Variants in TAFA2 observed in about 807,000 individuals in gnomAD.
TAFA2 encodes the protein chemokine-like protein TAFA-2.
Under a neutral mutation model 18.8 loss-of-function variants are expected in TAFA2, and 7 were observed. The ratio of observed to expected loss-of-function variants is 0.37; its 90% CI spans 0.21 to 0.70. The LOEUF (loss-of-function observed/expected upper bound fraction) is 0.70, where lower values mean the gene tolerates loss of function less well. TAFA2 is among the 30% of genes least tolerant of loss of function. TAFA2 has a pLI of 0.53. For missense variants in TAFA2, 122 were observed against 158.1 expected (o/e 0.77, Z 1.23); for synonymous variants, 60 against 54.2 (o/e 1.11, Z -0.47).
At chr12:61,969,747 T>C (rs1168698805) in intron 1 of TAFA2, among the ~76,000 whole-genome samples, 1 of 151,704 alleles carries the variant, frequency 6.6e-6, no homozygotes, top group Admixed American at 6.6e-5. Flanking sequence ...TCACTAAGAT[T>C]GAAGGATCAT....
chr12:62,212,738 T>C (rs902307176), intron 1 of TAFA2, among the ~76,000 whole-genome samples: 4 of 152,230 alleles, frequency 2.6e-5, no homozygotes, highest in Non-Finnish European at 4.4e-5. Context: ...TTTTTATTCA[T>C]TTGGCATTCT....
intron 1 of TAFA2, among the ~76,000 whole-genome samples, chr12:62,233,587 C>T (rs2062822513): frequency 6.6e-6 from 1 of 152,190 alleles, no homozygotes; most frequent in Admixed American, 6.5e-5. Context: ...TGACCCTACC[C>T]ACGAGGCTGT....
chr12:61,737,142 G>A (rs1453953127), intron 4 of TAFA2, among the ~76,000 whole-genome samples: 1 of 151,636 alleles, frequency 6.6e-6, no homozygotes, highest in Admixed American at 6.6e-5. Flanking sequence ...GGTCAAATAG[G>A]CATCTAAAAA....
chr12:61,998,850 A>G lies in TAFA2; in HGVS notation c.-1-131424T>C, dbSNP rs146914251. Among the ~76,000 whole-genome samples, 135 of 152,334 alleles carry G rather than the reference A, an allele frequency of 8.9e-4. No homozygotes were observed. The Middle Eastern group carries it at 0.037, about 42-fold the overall frequency. On this transcript the variant is annotated intron_variant, in intron 1 of 4. Coordinates refer to ENST00000416284, the MANE Select transcript of TAFA2 (RefSeq NM_178539.5). Reference sequence around the variant, plus strand: ...ACAGCTAATTCTACCAACTGCAGGGAAGGCACAAGTAACATCTGATCCTGC... The same window carrying G: ...ACAGCTAATTCTACCAACTGCAGGGGAGGCACAAGTAACATCTGATCCTGC...
intron 1 of TAFA2, among the ~76,000 whole-genome samples, chr12:62,242,033 A>G (rs1411361471): frequency 1.3e-5 from 2 of 152,230 alleles, no homozygotes; most frequent in African/African-American, 4.8e-5. Context: ...CTTCAGAGAG[A>G]AGAAAAAAGG....
intron 2 of TAFA2, among the ~76,000 whole-genome samples, chr12:61,858,834 C>T (rs1260168225): frequency 6.6e-6 from 1 of 152,064 alleles, no homozygotes; most frequent in Non-Finnish European, 1.5e-5. Context: ...TCAATAACAA[C>T]CAACAACCAG....
At chr12:62,196,232 T>C (rs555946301), upstream of TAFA2, among the ~76,000 whole-genome samples, 1 of 152,356 alleles carries the variant, frequency 6.6e-6, no homozygotes, top group South Asian at 2.1e-4. Context: ...AAAAGGAATG[T>C]TGTGGCTGGT....
chr12:62,073,650 C>A (rs1334641050), intron 1 of TAFA2, among the ~76,000 whole-genome samples: 1 of 152,080 alleles, frequency 6.6e-6, no homozygotes, highest in African/African-American at 2.4e-5. Flanking sequence ...TGGTAAGTGG[C>A]AGAGCCAAAA....
At chr12:62,042,428 T>TGTGTGTGC (rs1411586257) in intron 1 of TAFA2, among the ~76,000 whole-genome samples, 8 of 74,430 alleles carry the variant, frequency 1.1e-4, no homozygotes, top group African/African-American at 3.7e-4. Flanking sequence ...TGTGTGTGTG[T>TGTGTGTGC]GCGCGTGTGT....
chr12:61,745,829 C>T (rs928464801), intron 4 of TAFA2, among the ~76,000 whole-genome samples: 4 of 151,710 alleles, frequency 2.6e-5, no homozygotes, highest in African/African-American at 9.7e-5. Flanking sequence ...TCATCTGTAC[C>T]CCGAAAAGGC....
chr12:61,993,142 A>T (rs1880066291), intron 1 of TAFA2, among the ~76,000 whole-genome samples: 2 of 152,276 alleles, frequency 1.3e-5, no homozygotes, highest in South Asian at 4.1e-4. Flanking sequence ...TGCGCTCATT[A>T]CTGTTCCCTA....
intron 2 of TAFA2, among the ~76,000 whole-genome samples, chr12:61,828,072 G>T (rs1363991388): frequency 6.6e-6 from 1 of 151,874 alleles, no homozygotes; most frequent in Non-Finnish European, 1.5e-5. Context: ...TATTTACCAG[G>T]TTAGTAATGG....
intron 1 of TAFA2, among the ~76,000 whole-genome samples, chr12:62,107,914 T>C (rs1470334013): frequency 7.0e-6 from 1 of 143,696 alleles, no homozygotes; most frequent in Non-Finnish European, 1.6e-5. Flanking sequence ...AAGAGTATTG[T>C]CTAAAGAATT....
chr12:62,019,359 T>A (rs1309514034), intron 1 of TAFA2, among the ~76,000 whole-genome samples: 2 of 150,166 alleles, frequency 1.3e-5, no homozygotes, highest in East Asian at 3.9e-4. Flanking sequence ...CACGCTGCTA[T>A]AAAGACACAT....
chr12:62,050,818 C>A (rs957088993), intron 1 of TAFA2, among the ~76,000 whole-genome samples: 1 of 152,132 alleles, frequency 6.6e-6, no homozygotes, highest in Non-Finnish European at 1.5e-5. Flanking sequence ...TTGAATCAGC[C>A]ATGGTAGGAG....
At chr12:61,940,917 A>T (rs2121420175) in intron 1 of TAFA2, among the ~76,000 whole-genome samples, 1 of 152,340 alleles carries the variant, frequency 6.6e-6, no homozygotes, top group African/African-American at 2.4e-5. Context: ...TTAATACTAG[A>T]TTATCCAAGA....
chr12:61,853,751 G>GT (rs890163605), intron 2 of TAFA2, among the ~76,000 whole-genome samples: 6 of 151,998 alleles, frequency 3.9e-5, no homozygotes, highest in Non-Finnish European at 8.8e-5. Flanking sequence ...TGATTGGAGG[G>GT]TTTTTTTGTT....
At chr12:61,725,964 T>C (rs1462542375) in intron 4 of TAFA2, among the ~76,000 whole-genome samples, 2 of 151,576 alleles carry the variant, frequency 1.3e-5, no homozygotes, top group Non-Finnish European at 2.9e-5. Context: ...ACAGTGGGTA[T>C]AGTGTACACT....
intron 1 of TAFA2, among the ~76,000 whole-genome samples, chr12:62,219,121 A>C (rs1298618226): frequency 6.6e-6 from 1 of 152,144 alleles, no homozygotes; most frequent in Non-Finnish European, 1.5e-5. Context: ...AAAACAACTT[A>C]AGTTTCTCAC....
Sources: gnomAD v4.1 joint callset for allele counts (sites outside exome capture counted in the v4.1 genomes callset) on GRCh38, gnomAD v4.1.1 for gene constraint, MANE v1.5 for transcripts, NCBI Gene and HGNC (gene_info 2026-07-23, HGNC 2026-07-21) for gene names.